ETV6: variants seen among roughly 807,000 people sequenced by gnomAD.
The protein encoded by ETV6 is ETS variant transcription factor 6.
In ETV6, 16 loss-of-function variants were observed where a neutral mutation model predicts 51.1. That is an observed-to-expected ratio of 0.31 (90% CI 0.21 to 0.48). ETV6 has a LOEUF of 0.48. Among genes scored for constraint, ETV6 ranks in the 20% least tolerant of loss-of-function variants. The probability of loss-of-function intolerance (pLI) is 0.99; values close to 1 mark genes in which losing one functional copy is unlikely to be tolerated. For missense variants in ETV6, 458 were observed against 594.8 expected (o/e 0.77, Z 2.39); for synonymous variants, 240 against 224.1 (o/e 1.07, Z -0.64).
Position 11,854,592 on chromosome 12 carries a change from AAAAT to A in ETV6, c.463+1039_463+1042del, listed in dbSNP as rs541136093. On this transcript the variant is annotated intron_variant, in intron 4 of 7. Coordinates refer to ENST00000396373, the MANE Select transcript of ETV6 (RefSeq NM_001987.5). ...ATTTCAAACATACTCCAAATAGAAT[AAAAT>A]AAATAAACCCTTCTGAGCCATCACC... is the stretch of plus-strand genomic sequence containing the variant. Among the ~76,000 whole-genome samples the A allele has an allele frequency of 1.4e-4, 21 of 152,336 alleles. No individual in the cohort carries two copies. In the South Asian group the frequency reaches 4.4e-3, roughly 32 times the overall value.
chr12:11,660,843 T>C (rs931858569), intron 1 of ETV6, among the ~76,000 whole-genome samples: 2 of 152,182 alleles, frequency 1.3e-5, no homozygotes, highest in African/African-American at 4.8e-5. Context: ...TTTTCATGTA[T>C]TGACCTGGGA....
At chr12:11,853,630 G>T in intron 4 of ETV6, 69 bp downstream of exon 4, 1 of 1,556,124 alleles carries the variant, frequency 6.4e-7, no homozygotes, top group Non-Finnish European at 8.8e-7. Flanking sequence ...TTGTTAACTT[G>T]ATAAGCTGGT....
At chr12:11,775,565 C>T (rs1945310138) in intron 2 of ETV6, among the ~76,000 whole-genome samples, 1 of 152,188 alleles carries the variant, frequency 6.6e-6, no homozygotes, top group Non-Finnish European at 1.5e-5. Flanking sequence ...TAGACAAGAA[C>T]AGACGCTTTT....
intron 1 of ETV6, among the ~76,000 whole-genome samples, chr12:11,689,834 T>C (rs572976233): frequency 1.0e-3 from 103 of 100,452 alleles, no homozygotes; most frequent in African/African-American, 3.6e-3. Flanking sequence ...CCCCCCTTTG[T>C]CTTTTTCTCT....
intron 2 of ETV6, among the ~76,000 whole-genome samples, chr12:11,759,014 A>C (rs1253484559): frequency 1.3e-5 from 2 of 152,208 alleles, no homozygotes; most frequent in Non-Finnish European, 2.9e-5. Context: ...AACAGCCCAC[A>C]GCAGAACAGC....
chr12:11,815,651 G>A (rs2723812), intron 2 of ETV6, among the ~76,000 whole-genome samples: 87,254 of 152,112 alleles, frequency 0.57, 24,979 homozygotes, highest in Non-Finnish European at 0.59. Flanking sequence ...ATGTGTTTGA[G>A]AGCACTTTGC....
chr12:11,869,826 A>T lies in ETV6; in HGVS notation c.866A>T (p.Gln289Leu). 6.2e-7 allele frequency: 1 copy of T among 1,613,438 alleles called. No homozygotes were observed. The highest frequency in any genetic ancestry group is 1.6e-4 in the Middle Eastern group (1 of 6,062). Residue 289 changes from glutamine to leucine, a missense_variant, in exon 5 of 8, where the codon CAG becomes CTG. Around this residue, in one of 4 missense-constraint regions of ETV6, gnomAD observed 293 missense variants for 315.7 expected, o/e 0.93. Coordinates refer to ENST00000396373, the MANE Select transcript of ETV6 (RefSeq NM_001987.5). This position sits in a 1 kb window ranked among gnomAD's most constrained non-coding sequence, Gnocchi z 5.0. ...CCCCGGCACTCCGTGGATTTCAAAC[A>T]GTCCAGGCTCTCCGAGGACGGGCTG... ...LNPRHSVDFKQSRLSEDGLHR... is the reference protein window; with the variant it reads ...LNPRHSVDFKLSRLSEDGLHR...
At chr12:11,766,968 G>C (rs1945170553) in intron 2 of ETV6, among the ~76,000 whole-genome samples, 1 of 152,170 alleles carries the variant, frequency 6.6e-6, no homozygotes, top group African/African-American at 2.4e-5. Context: ...CAGCCTGCAT[G>C]TGGTGCTTTG....
At chr12:11,723,703 C>T (rs1865436494) in intron 1 of ETV6, among the ~76,000 whole-genome samples, 1 of 152,128 alleles carries the variant, frequency 6.6e-6, no homozygotes, top group Non-Finnish European at 1.5e-5. Flanking sequence ...CTATCCTGGC[C>T]TCTCCTTGAC....
chr12:11,810,136 T>G (rs927201550), intron 2 of ETV6, among the ~76,000 whole-genome samples: 2 of 152,108 alleles, frequency 1.3e-5, no homozygotes, highest in Non-Finnish European at 2.9e-5. Context: ...AGCATTTTAC[T>G]TGAGACCTCT....
At chr12:11,840,065 C>T (rs1378623851) in intron 3 of ETV6, among the ~76,000 whole-genome samples, 1 of 152,068 alleles carries the variant, frequency 6.6e-6, no homozygotes, top group African/African-American at 2.4e-5. Context: ...ATCCTAGTAG[C>T]CAAGGCCAGT....
chr12:11,830,163 C>T (rs543721617), intron 2 of ETV6, among the ~76,000 whole-genome samples: 41 of 152,258 alleles, frequency 2.7e-4, no homozygotes, highest in African/African-American at 8.9e-4. Flanking sequence ...ACCCTGCCCT[C>T]GGCAAGCAGA....
intron 3 of ETV6, among the ~76,000 whole-genome samples, chr12:11,840,258 C>T (rs1032282987): frequency 5.9e-5 from 9 of 152,346 alleles, no homozygotes; most frequent in African/African-American, 2.2e-4. Context: ...TAACAAGCAT[C>T]TCTACCTGCA....
chr12:11,742,476 T>G (rs569526337), intron 1 of ETV6, among the ~76,000 whole-genome samples: 23 of 152,304 alleles, frequency 1.5e-4, no homozygotes, highest in African/African-American at 5.3e-4. Context: ...TGGAAAAAAT[T>G]TTTTTAAAGG....
At chr12:11,696,248 A>G (rs1247980576) in intron 1 of ETV6, among the ~76,000 whole-genome samples, 2 of 152,016 alleles carry the variant, frequency 1.3e-5, no homozygotes, top group African/African-American at 4.8e-5. Context: ...TTCTCCTTCC[A>G]CTAGTACGTA....
At chr12:11,734,863 A>G (rs560049179) in intron 1 of ETV6, among the ~76,000 whole-genome samples, 114 of 152,292 alleles carry the variant, frequency 7.5e-4, no homozygotes, top group Non-Finnish European at 1.5e-3. Context: ...CCACTATGCT[A>G]TACTGCTCAA....
At chr12:11,719,876 C>G (rs554650046) in intron 1 of ETV6, among the ~76,000 whole-genome samples, 1 of 152,316 alleles carries the variant, frequency 6.6e-6, no homozygotes, top group East Asian at 1.9e-4. Flanking sequence ...AGATAGGAAG[C>G]GGTCCTGTGG....
At chr12:11,692,463 A>G (rs1864786368) in intron 1 of ETV6, among the ~76,000 whole-genome samples, 2 of 152,274 alleles carry the variant, frequency 1.3e-5, no homozygotes, top group Middle Eastern at 3.4e-3. Flanking sequence ...TGTTCCTCCC[A>G]CTAACTTCCC....
At chr12:11,670,854 C>A (rs1013071415) in intron 1 of ETV6, among the ~76,000 whole-genome samples, 1 of 152,166 alleles carries the variant, frequency 6.6e-6, no homozygotes, top group Non-Finnish European at 1.5e-5. Flanking sequence ...TTGAAACTTG[C>A]CTTGCAGGGT....
Sources: gnomAD v4.1 joint callset for allele counts (sites outside exome capture counted in the v4.1 genomes callset) on GRCh38, gnomAD v4.1.1 for gene constraint, gnomAD v4.1.1 regional missense constraint, Gnocchi (gnomAD v3.1) non-coding constraint, MANE v1.5 for transcripts, NCBI Gene and HGNC (gene_info 2026-07-23, HGNC 2026-07-21) for gene names.